Variants in RASIP1 observed in about 807,000 individuals in gnomAD.
RASIP1 encodes the protein Ras interacting protein 1, also known as ras-interacting protein 1.
In RASIP1, 20 loss-of-function variants were observed where a neutral mutation model predicts 85.3. The observed-to-expected ratio is 0.23, with a 90% CI of 0.17 to 0.34. The LOEUF (loss-of-function observed/expected upper bound fraction) is 0.34. RASIP1 is among the 10% of genes least tolerant of loss of function. The pLI, the probability that RASIP1 is intolerant of heterozygous loss-of-function variation, is 1.00. For missense variants in RASIP1, 1,170 were observed against 1,390.9 expected (o/e 0.84, Z 2.53); for synonymous variants, 617 against 647.1 (o/e 0.95, Z 0.71).
At chr19:48,723,304 A>G (rs2033283035) in intron 10 of RASIP1, among the ~76,000 whole-genome samples, 1 of 152,236 alleles carries the variant, frequency 6.6e-6, no homozygotes. Context: ...TCACGCCTGT[A>G]ATCCCAGCAC....
At chr19:48,727,282 G>C in intron 6 of RASIP1, 111 bp downstream of exon 6, 1 of 1,537,096 alleles carries the variant, frequency 6.5e-7, no homozygotes, top group South Asian at 1.2e-5. Context: ...AAAGTTGAGC[G>C]CAAGGAGAAG....
chr19:48,729,953 G>A (rs908432648), intron 4 of RASIP1, among the ~76,000 whole-genome samples: 1 of 151,796 alleles, frequency 6.6e-6, no homozygotes, highest in Non-Finnish European at 1.5e-5. Context: ...GATCTCAGGT[G>A]ATCCACCTAC....
chr19:48,727,994 A>G (rs560598938), intron 5 of RASIP1, among the ~76,000 whole-genome samples: 42 of 152,238 alleles, frequency 2.8e-4, no homozygotes, highest in African/African-American at 9.6e-4. Context: ...GGCTCTTGAG[A>G]CAAATTCTAA....
In RASIP1 at chr19:48,740,302, T is replaced by G. The variant is rs746654273; in HGVS notation, c.-4-16A>C. 6.4e-7 allele frequency: 1 copy of G among 1,566,368 alleles called. No individual in the cohort carries two copies. The highest frequency in any genetic ancestry group is 1.2e-5 in the South Asian group (1 of 86,314). On this transcript the variant is annotated splice_polypyrimidine_tract_variant and intron_variant, in intron 1 of 11. Transcript: ENST00000222145. The surrounding 1 kb of genome is among the most constrained non-coding windows in gnomAD (Gnocchi z 5.5). Reference sequence around the variant, plus strand: ...CAGCATGGCCCTAAGGGAAGGCGGGTAAGGCCCCAACTCCTAAGGCATTCT... The same window carrying G: ...CAGCATGGCCCTAAGGGAAGGCGGGGAAGGCCCCAACTCCTAAGGCATTCT...
Position 48,740,404 on chromosome 19 carries a change from G to A in RASIP1, c.-5+117C>T. On this transcript the variant is annotated intron_variant, in intron 1 of 11. Coordinates refer to ENST00000222145, the MANE Select transcript of RASIP1 (RefSeq NM_017805.3). The surrounding 1 kb of genome is among the most constrained non-coding windows in gnomAD (Gnocchi z 5.5). ...GCTGGGGCTCAGACTTGCGAGTCCA[G>A]GGGGAGGAGAGGGATGGTACCCTGG... 1 of 1,427,036 alleles carries A rather than the reference G, an allele frequency of 7.0e-7. No homozygotes were observed. The highest frequency in any genetic ancestry group is 9.2e-7 in the Non-Finnish European group (1 of 1,081,168). 88.4% of individuals were successfully genotyped at this position (1,427,036 alleles called of 1,614,324 possible). A position where few individuals can be genotyped will look rare whatever the true frequency, so the allele number is the denominator to read the frequency against.
At chr19:48,728,298 A>G (rs988718468) in intron 5 of RASIP1, among the ~76,000 whole-genome samples, 3 of 152,078 alleles carry the variant, frequency 2.0e-5, no homozygotes, top group African/African-American at 7.2e-5. Flanking sequence ...GAATTCTCAC[A>G]CTGATCTCTG....
At position 48,729,483 on chromosome 19, in the gene RASIP1, G is replaced by A. The variant is rs202177613; in HGVS notation, c.1287C>T (p.Asn429=). The change falls in exon 5 of 12, where the codon AAC becomes AAT. Residue 429 remains asparagine (N), a synonymous_variant. Transcript: ENST00000222145. ...SPAPYVDTFL[N]APDILPRHCT... ...AGTGACGCGGCAGGATGTCCGGGGC[G>A]TTGAGGAAGGTGTCCACATAGGGAG... 1,881 of 1,582,386 alleles carry A rather than the reference G, an allele frequency of 1.2e-3. 4 individuals carry two copies. Among genetic ancestry groups the A allele is most frequent in the Non-Finnish European group, 1.5e-3 (1,697 of 1,165,074 alleles).
rs1203587222 is a variant in RASIP1, at chr19:48,721,139, G to A, written c.2693-142C>T. The A allele has an allele frequency of 7.4e-6, 5 of 678,128 alleles. No homozygotes were observed. The African/African-American group carries it at 9.0e-5, about 12-fold the overall frequency. The allele number at this position is 678,128 out of a possible 1,614,324, so 42.0% of individuals were successfully genotyped here. On this transcript the variant is annotated intron_variant, in intron 11 of 11. Transcript: ENST00000222145. ...CTCCTGGGGCGGGGTCCGTTCACAC[G>A]CTACTCTAGGAGCCCCTGGGCATGA...
In RASIP1 at chr19:48,740,160, G is replaced by T; in HGVS notation, c.123C>A (p.Ser41Arg). 6.3e-7 allele frequency: 1 copy of T among 1,593,510 alleles called. No homozygotes were observed. The highest frequency in any genetic ancestry group is 8.5e-7 in the Non-Finnish European group (1 of 1,172,690). Residue 41 changes from serine (S) to arginine (R), a missense_variant, in exon 2 of 12, where the codon AGC (serine) becomes AGA (arginine). By Grantham distance (110) the Ser-to-Arg change is moderately radical (BLOSUM62 -1). Transcript: ENST00000222145. The surrounding 1 kb of genome is among the most constrained non-coding windows in gnomAD (Gnocchi z 5.5). The part of the protein sequence containing the change: ...QLAKLGRRWP[S>R]AASVKSSSSD... ...ATGGCACTCACTTGACAGAGGCTGC[G>T]CTGGGCCAGCGCCGCCCCAGCTTCG...
rs1599751143 is a variant in RASIP1 at position 48,739,006 on chromosome 19, C to A, written c.777G>T (p.Glu259Asp). 2.4e-6 allele frequency: 3 copies of A among 1,246,230 alleles called. No homozygotes were observed. In the East Asian group the frequency reaches 1.0e-4, roughly 41 times the overall value. The allele number at this position is 1,246,230 out of a possible 1,614,324, so 77.2% of individuals were successfully genotyped here. ...ARRFELRGREEARRLEQEAFG... is the reference protein window; with the variant it reads ...ARRFELRGREDARRLEQEAFG... ...AGGCCTCCTGCTCCAGGCGCCGCGCCTCCTCGCGGCCGCGCAACTCGAAGC... is the reference window on the plus strand; with the variant it reads ...AGGCCTCCTGCTCCAGGCGCCGCGCATCCTCGCGGCCGCGCAACTCGAAGC... The change falls in exon 3 of 12, where the codon GAG (glutamate) becomes GAT (aspartate). Residue 259 changes from glutamate to aspartate, a missense_variant. Coordinates refer to ENST00000222145, the MANE Select transcript of RASIP1 (RefSeq NM_017805.3). This position sits in a 1 kb window ranked among gnomAD's most constrained non-coding sequence, Gnocchi z 9.2.
At chr19:48,737,938 T>A (rs566057686) in intron 3 of RASIP1, 5 of 984,198 alleles carry the variant, frequency 5.1e-6, no homozygotes, top group Non-Finnish European at 6.0e-6. Context: ...GACAGTTTTT[T>A]GTTTGTTTGT....
Position 48,739,636 on chromosome 19 carries a change from CGAA to C in RASIP1, c.144_146del (p.Ser50del). 3 of 1,422,658 alleles carry C rather than the reference CGAA, an allele frequency of 2.1e-6. No individual in the cohort carries two copies. The highest frequency in any genetic ancestry group is 2.8e-6 in the Non-Finnish European group (3 of 1,087,098). 88.1% of individuals were successfully genotyped at this position (1,422,658 alleles called of 1,614,324 possible). On this transcript the variant is annotated inframe_deletion, in exon 3 of 12. Coordinates refer to ENST00000222145, the MANE Select transcript of RASIP1 (RefSeq NM_017805.3). The surrounding 1 kb of genome is among the most constrained non-coding windows in gnomAD (Gnocchi z 9.2). ...CGCTGCTGCGGCTCCCCGTGTCCGA[CGAA>C]GAAGACCTGGGAGTCCGCCGGGGAA...
intron 4 of RASIP1, among the ~76,000 whole-genome samples, chr19:48,733,819 T>G (rs368772290): frequency 2.1e-4 from 27 of 129,454 alleles, no homozygotes; most frequent in Middle Eastern, 4.7e-3. Flanking sequence ...AAAAAAAAAG[T>G]GTGGGGGGGA....
intron 8 of RASIP1, 172 bp from the exon 9 acceptor site, chr19:48,725,132 G>T: frequency 1.4e-6 from 1 of 698,674 alleles, no homozygotes. Flanking sequence ...CTTGATAGAA[G>T]GGTATACAAG....
At chr19:48,737,092 A>G (rs1268650118) in intron 3 of RASIP1, among the ~76,000 whole-genome samples, 1 of 152,196 alleles carries the variant, frequency 6.6e-6, no homozygotes, top group Non-Finnish European at 1.5e-5. Context: ...GGCCTACACC[A>G]GGTGCTCAAT....
intron 7 of RASIP1, 24 bp downstream of exon 7, chr19:48,726,983 G>A (rs376046620): frequency 3.7e-6 from 6 of 1,613,696 alleles, no homozygotes; most frequent in Middle Eastern, 1.6e-4. Context: ...ACTTGGACAA[G>A]CCTGAGCCTG....
At chr19:48,721,353 A>G (rs560698975) in intron 11 of RASIP1, among the ~76,000 whole-genome samples, 1 of 152,104 alleles carries the variant, frequency 6.6e-6, no homozygotes, top group South Asian at 2.1e-4. Flanking sequence ...GGAATGGACT[A>G]GGGATGCGAA....
rs1247534285 is a variant in RASIP1 at position 48,729,195 on chromosome 19, G to A, written c.1575C>T (p.Arg525=). Residue 525 remains arginine (R), a synonymous_variant, in exon 5 of 12, where the codon CGC becomes CGT. Coordinates refer to ENST00000222145, the MANE Select transcript of RASIP1 (RefSeq NM_017805.3). Reference sequence around the variant, plus strand: ...GTGCCTCGCCGCGCTCCTGCAGGCCGCGGCCGCACAGGCGACAGGAGAAGG... The same window carrying A: ...GTGCCTCGCCGCGCTCCTGCAGGCCACGGCCGCACAGGCGACAGGAGAAGG... ...GWAFSCRLCG[R]GLQERGEALA... The A allele has an allele frequency of 1.2e-5, 16 of 1,286,678 alleles. No individual in the cohort carries two copies. The highest frequency in any genetic ancestry group is 1.6e-5 in the Non-Finnish European group (16 of 1,014,860). The allele number at this position is 1,286,678 out of a possible 1,614,324, so 79.7% of individuals were successfully genotyped here. A position where few individuals can be genotyped will look rare whatever the true frequency, so the allele number is the denominator to read the frequency against.
At chr19:48,737,620 T>C in intron 3 of RASIP1, 2 of 985,276 alleles carry the variant, frequency 2.0e-6, no homozygotes, top group African/African-American at 1.7e-5. Flanking sequence ...TCTAGGAACC[T>C]GTATTCACTC....
Sources: allele counts gnomAD v4.1 joint callset (sites outside exome capture counted in the v4.1 genomes callset), GRCh38; gene constraint gnomAD v4.1.1; non-coding constraint Gnocchi (gnomAD v3.1); transcripts MANE v1.5; gene names NCBI Gene and HGNC (gene_info 2026-07-23, HGNC 2026-07-21).